Variants in RABGAP1L observed in about 807,000 individuals in gnomAD.
The protein encoded by RABGAP1L is RAB GTPase activating protein 1 like, also known as rab GTPase-activating protein 1-like.
Under a neutral mutation model 137.7 loss-of-function variants are expected in RABGAP1L, and 63 were observed. The ratio of observed to expected loss-of-function variants is 0.46; its 90% confidence interval spans 0.37 to 0.56. The LOEUF is 0.56. Ranked by LOEUF, RABGAP1L falls within the 20% of genes least tolerant of loss-of-function variation. The pLI, the probability that RABGAP1L is intolerant of heterozygous loss-of-function variation, is 0.00. For missense variants in RABGAP1L, 1,095 were observed against 1,244.0 expected (o/e 0.88, Z 1.80); for synonymous variants, 431 against 433.7 (o/e 0.99, Z 0.08).
At chr1:174,205,359 T>A (rs1017529316) in intron 1 of RABGAP1L, among the ~76,000 whole-genome samples, 1 of 152,168 alleles carries the variant, frequency 6.6e-6, no homozygotes, top group Non-Finnish European at 1.5e-5. Flanking sequence ...TCTGTAGGAA[T>A]GGTACCAGCT....
chr1:174,852,739 C>A (rs1208305932), intron 19 of RABGAP1L, among the ~76,000 whole-genome samples: 1 of 151,826 alleles, frequency 6.6e-6, no homozygotes, highest in Non-Finnish European at 1.5e-5. Context: ...TCACTTGAAC[C>A]CAGGAGACAG....
chr1:174,533,967 C>T lies in RABGAP1L; in HGVS notation c.1711-103408C>T, dbSNP rs564064303. On this transcript the variant is annotated intron_variant, in intron 13 of 25. Coordinates refer to ENST00000681986, the MANE Select transcript of RABGAP1L (RefSeq NM_001366446.1). ...GATTACAGGCATGAGCTACCGCGCC[C>T]AGCCCACAAAATATGTGTTAATCAA... Among the ~76,000 whole-genome samples the T allele has an allele frequency of 2.3e-3, 351 of 152,114 alleles. 1 individual carries two copies. The highest frequency in any genetic ancestry group is 3.6e-3 in the Non-Finnish European group (243 of 67,932).
intron 14 of RABGAP1L, among the ~76,000 whole-genome samples, chr1:174,642,745 C>G (rs1285650261): frequency 1.5e-5 from 2 of 137,488 alleles, no homozygotes; most frequent in African/African-American, 2.8e-5. Flanking sequence ...CCCTCTCCCC[C>G]TCTCCCCTTC....
rs779072161 is a variant in RABGAP1L at position 174,448,433 on chromosome 1, G to A, written c.1710+54288G>A. 3 of 1,613,280 alleles carry A rather than the reference G, an allele frequency of 1.9e-6. No individual in the cohort carries two copies. The highest frequency in any genetic ancestry group is 2.2e-5 in the South Asian group (2 of 91,056). On this transcript the variant is annotated intron_variant, in intron 13 of 25. Transcript: ENST00000681986. The surrounding 1 kb of genome is among the most constrained non-coding windows in gnomAD (Gnocchi z 4.2). Reference sequence around the variant, plus strand: ...GTCACTTCTCCACTACTCCACAGGTGTCCACGAGTCATTGACTTGCCAGGT... The same window carrying A: ...GTCACTTCTCCACTACTCCACAGGTATCCACGAGTCATTGACTTGCCAGGT...
intron 19 of RABGAP1L, among the ~76,000 whole-genome samples, chr1:174,946,946 G>A (rs369481388): frequency 0.084 from 6,246 of 74,060 alleles, 296 homozygotes; most frequent in East Asian, 0.22. Context: ...ATATATGTGT[G>A]TGTGTGTGTG....
chr1:174,379,514 G>T (rs1176519627), intron 12 of RABGAP1L, among the ~76,000 whole-genome samples: 14 of 123,416 alleles, frequency 1.1e-4, no homozygotes, highest in African/African-American at 5.2e-4. Flanking sequence ...TCCCTTGTAA[G>T]TTGGATTCCT....
At chr1:174,255,514 A>T (rs377532081) in intron 7 of RABGAP1L, among the ~76,000 whole-genome samples, 3 of 151,986 alleles carry the variant, frequency 2.0e-5, no homozygotes, top group Non-Finnish European at 2.9e-5. Flanking sequence ...CATTTTACCT[A>T]ATTTGCTTTG....
At position 174,512,249 on chromosome 1, in the gene RABGAP1L, C is replaced by T. The variant is rs796831904; in HGVS notation, c.1710+118104C>T. Among the ~76,000 whole-genome samples the T allele has an allele frequency of 3.3e-5, 5 of 152,150 alleles. No homozygotes were observed. In the South Asian group the frequency reaches 1.0e-3, roughly 32 times the overall value. On this transcript the variant is annotated intron_variant, in intron 13 of 25. Transcript: ENST00000681986. ...TACCATCTGGGACACAACATTTCTA[C>T]CCTAGTATTCTATTCATGGTGATAG... is the stretch of plus-strand genomic sequence containing the variant.
chr1:174,787,533 C>T (rs1687544552), intron 18 of RABGAP1L, among the ~76,000 whole-genome samples: 2 of 151,862 alleles, frequency 1.3e-5, no homozygotes, highest in Admixed American at 1.3e-4. Context: ...TTTTAAAAAG[C>T]ATATTTGGGA....
chr1:174,753,622 G>C (rs1033994489), intron 18 of RABGAP1L, among the ~76,000 whole-genome samples: 1 of 152,070 alleles, frequency 6.6e-6, no homozygotes, highest in African/African-American at 2.4e-5. Flanking sequence ...TATTTGCTGT[G>C]TCCCTTAATG....
Position 174,728,501 on chromosome 1 carries a change from G to A in RABGAP1L, c.2170-23812G>A, listed in dbSNP as rs182623027. 2.6e-5 allele frequency among the ~76,000 whole-genome samples: 4 copies of A among 151,066 alleles called. No individual in the cohort carries two copies. The East Asian group carries it at 5.9e-4, about 22-fold the overall frequency. ...ACAAACAAATGAAAAAACATTTCTT[G>A]TTCATGGATTGGAAGAATCGGTATC... On this transcript the variant is annotated intron_variant, in intron 17 of 25. Coordinates refer to ENST00000681986, the MANE Select transcript of RABGAP1L (RefSeq NM_001366446.1).
intron 10 of RABGAP1L, among the ~76,000 whole-genome samples, chr1:174,289,406 T>C (rs563902106): frequency 7.2e-5 from 11 of 152,214 alleles, no homozygotes; most frequent in Non-Finnish European, 1.2e-4. Context: ...TTTTTCTGAT[T>C]AGTTGTCTGT....
chr1:174,590,571 A>G (rs1281865695), intron 13 of RABGAP1L, among the ~76,000 whole-genome samples: 2 of 87,974 alleles, frequency 2.3e-5, no homozygotes, highest in African/African-American at 4.7e-5. Context: ...TCATTGTTCA[A>G]TTCCCACCTA....
chr1:174,343,345 G>A (rs1379420439), intron 11 of RABGAP1L, among the ~76,000 whole-genome samples: 2 of 152,120 alleles, frequency 1.3e-5, no homozygotes, highest in African/African-American at 4.8e-5. Context: ...ATCTGTTTTT[G>A]TATAGGTAGT....
At chr1:174,683,415 G>A (rs1015483072) in intron 14 of RABGAP1L, 107 bp from the exon 15 acceptor site, 24 of 785,672 alleles carry the variant, frequency 3.1e-5, no homozygotes, top group Non-Finnish European at 4.6e-5. Context: ...GTGGAATTGT[G>A]GTTGACAGCC....
chr1:174,693,070 A>G (rs1678990880), intron 15 of RABGAP1L, among the ~76,000 whole-genome samples: 1 of 152,228 alleles, frequency 6.6e-6, no homozygotes, highest in Non-Finnish European at 1.5e-5. Context: ...ATGATTGAAT[A>G]TAGGTTCTTG....
At chr1:174,361,364 G>T (rs1684132747) in intron 11 of RABGAP1L, among the ~76,000 whole-genome samples, 1 of 151,632 alleles carries the variant, frequency 6.6e-6, no homozygotes, top group South Asian at 2.1e-4. Flanking sequence ...TCTGTAGATT[G>T]CTTTGGGTAG....
At chr1:174,813,090 A>C (rs1482044541) in intron 19 of RABGAP1L, among the ~76,000 whole-genome samples, 2 of 152,174 alleles carry the variant, frequency 1.3e-5, no homozygotes, top group African/African-American at 4.8e-5. Flanking sequence ...TTTTTAGTGG[A>C]GCAATGATAT....
At chr1:174,883,664 G>C (rs1317618140) in intron 19 of RABGAP1L, among the ~76,000 whole-genome samples, 3 of 152,108 alleles carry the variant, frequency 2.0e-5, no homozygotes, top group Non-Finnish European at 2.9e-5. Context: ...AATTACTGCA[G>C]CAGGAATCTT....
Sources: gnomAD v4.1 joint callset for allele counts (sites outside exome capture counted in the v4.1 genomes callset) on GRCh38, gnomAD v4.1.1 for gene constraint, Gnocchi (gnomAD v3.1) non-coding constraint, MANE v1.5 for transcripts, NCBI Gene and HGNC (gene_info 2026-07-23, HGNC 2026-07-21) for gene names.